The following RALGAPA2 variants were observed in gnomAD, a reference collection of about 807,000 sequenced individuals.
The protein encoded by RALGAPA2 is ral GTPase-activating protein subunit alpha-2.
A neutral mutation model predicts 230.4 loss-of-function variants in RALGAPA2; 139 were observed. The ratio of observed to expected loss-of-function variants is 0.60; its 90% confidence interval spans 0.53 to 0.69. RALGAPA2 has a LOEUF of 0.69. Ranked by LOEUF, RALGAPA2 falls within the 30% of genes least tolerant of loss-of-function variation. The pLI, the probability that RALGAPA2 is intolerant of heterozygous loss-of-function variation, is 0.00. For missense variants in RALGAPA2, 2,163 were observed against 2,276.0 expected (o/e 0.95, Z 1.01); for synonymous variants, 847 against 837.8 (o/e 1.01, Z -0.19).
At chr20:20,520,144 T>A (rs1165065323) in intron 31 of RALGAPA2, among the ~76,000 whole-genome samples, 1 of 152,178 alleles carries the variant, frequency 6.6e-6, no homozygotes, top group Non-Finnish European at 1.5e-5. Context: ...CAGGGTAACA[T>A]CTTGCATACC....
chr20:20,467,326 C>T (rs1475328302), intron 37 of RALGAPA2, among the ~76,000 whole-genome samples: 1 of 152,220 alleles, frequency 6.6e-6, no homozygotes, highest in Non-Finnish European at 1.5e-5. Context: ...ATATTCATTT[C>T]TGAAGGCTCA....
At chr20:20,682,933 C>T (rs542578833) in intron 1 of RALGAPA2, among the ~76,000 whole-genome samples, 38 of 152,354 alleles carry the variant, frequency 2.5e-4, no homozygotes, top group Middle Eastern at 3.4e-3. Flanking sequence ...ACATCTCCCA[C>T]TGTGGGCTCT....
intron 1 of RALGAPA2, among the ~76,000 whole-genome samples, chr20:20,709,692 TAA>T (rs1195913523): frequency 6.6e-6 from 1 of 152,120 alleles, no homozygotes; most frequent in East Asian, 1.9e-4. Context: ...CTCTGTAAAA[TAA>T]AGTTAATCAT....
intron 24 of RALGAPA2, among the ~76,000 whole-genome samples, chr20:20,538,307 A>T (rs940087471): frequency 2.6e-5 from 4 of 152,234 alleles, no homozygotes; most frequent in Non-Finnish European, 5.9e-5. Context: ...ACCTAAAACA[A>T]ACTACTGCTA....
intron 37 of RALGAPA2, among the ~76,000 whole-genome samples, chr20:20,420,365 G>A (rs1313963868): frequency 6.6e-6 from 1 of 152,178 alleles, no homozygotes; most frequent in African/African-American, 2.4e-5. Flanking sequence ...AGAGGTCAAG[G>A]CTGACTGGCA....
Position 20,398,703 on chromosome 20 carries a change from C to T in RALGAPA2, c.5618-1969G>A, listed in dbSNP as rs945754871. Among the ~76,000 whole-genome samples the T allele has an allele frequency of 3.3e-5, 5 of 151,958 alleles. No homozygotes were observed. Among genetic ancestry groups the T allele is most frequent in the African/African-American group, 7.3e-5 (3 of 41,352 alleles). On this transcript the variant is annotated intron_variant, in intron 38 of 39. Transcript: ENST00000202677. The surrounding 1 kb of genome is among the most constrained non-coding windows in gnomAD (Gnocchi z 4.5). ...TGGGAAGAGGCCAGGAGGGACCTGA[C>T]GTCTGGGGGCGATAGGGGAGAGACA...
At chr20:20,596,831 G>C (rs1404143508) in intron 16 of RALGAPA2, among the ~76,000 whole-genome samples, 1 of 152,170 alleles carries the variant, frequency 6.6e-6, no homozygotes. Context: ...TTCTTTGTTT[G>C]GGAGCTGTCC....
At chr20:20,658,765 T>C (rs914559597) in intron 3 of RALGAPA2, among the ~76,000 whole-genome samples, 5 of 152,152 alleles carry the variant, frequency 3.3e-5, no homozygotes, top group Non-Finnish European at 7.4e-5. Context: ...TAAGCTGGAG[T>C]CTACACAAGA....
At chr20:20,467,577 T>C (rs2061446679) in intron 37 of RALGAPA2, among the ~76,000 whole-genome samples, 1 of 152,264 alleles carries the variant, frequency 6.6e-6, no homozygotes, top group Middle Eastern at 3.4e-3. Context: ...ATTGATTGAT[T>C]GATTGATTGA....
At chr20:20,664,354 A>G (rs571057798) in intron 3 of RALGAPA2, among the ~76,000 whole-genome samples, 2 of 152,318 alleles carry the variant, frequency 1.3e-5, no homozygotes, top group South Asian at 4.1e-4. Context: ...GCAAAGGTCT[A>G]ATCTCTTTTT....
intron 37 of RALGAPA2, among the ~76,000 whole-genome samples, chr20:20,455,135 C>T (rs1250835563): frequency 1.3e-5 from 2 of 152,196 alleles, no homozygotes; most frequent in African/African-American, 2.4e-5. Context: ...AAGGGTGTTA[C>T]GAATCTAAGC....
intron 16 of RALGAPA2, among the ~76,000 whole-genome samples, chr20:20,597,795 T>C (rs944984311): frequency 6.6e-6 from 1 of 152,002 alleles, no homozygotes; most frequent in African/African-American, 2.4e-5. Context: ...GCCGAGATCA[T>C]GCCACTGCAC....
chr20:20,528,778 G>A lies in RALGAPA2; in HGVS notation c.3583-2416C>T, dbSNP rs185580055. Among the ~76,000 whole-genome samples the A allele has an allele frequency of 5.3e-3, 803 of 152,340 alleles. 6 individuals are homozygous for A. The highest frequency in any genetic ancestry group is 0.018 in the African/African-American group (766 of 41,578). ...GCATTTCTGAAGGGTTCTTACAAGA[G>A]GGGTGGTGCTGGCTTTATGTGGAGC... On this transcript the variant is annotated intron_variant, in intron 27 of 39. Transcript: ENST00000202677.
chr20:20,705,912 C>T (rs1307218509), intron 1 of RALGAPA2, among the ~76,000 whole-genome samples: 1 of 152,164 alleles, frequency 6.6e-6, no homozygotes, highest in Non-Finnish European at 1.5e-5. Flanking sequence ...CGTGATCTGC[C>T]CACCTCGGCC....
At chr20:20,619,494 T>C (rs1488609632) in intron 11 of RALGAPA2, 80 bp from the exon 12 acceptor site, 1 of 1,054,604 alleles carries the variant, frequency 9.5e-7, no homozygotes, top group Non-Finnish European at 1.2e-6. Flanking sequence ...TAATTAAATA[T>C]ATTATATAAA....
chr20:20,459,676 A>G (rs544742120), intron 37 of RALGAPA2, among the ~76,000 whole-genome samples: 1 of 152,308 alleles, frequency 6.6e-6, no homozygotes, highest in African/African-American at 2.4e-5. Context: ...CATGGACACC[A>G]ATATAATAAA....
At chr20:20,652,037 T>C (rs542472673) in intron 4 of RALGAPA2, among the ~76,000 whole-genome samples, 77 of 152,390 alleles carry the variant, frequency 5.1e-4, no homozygotes, top group African/African-American at 1.9e-3. Context: ...CTTTGTGTAT[T>C]TGAAATATTT....
At chr20:20,468,963 TTGTGTGTGTGTG>T (rs754994354) in intron 37 of RALGAPA2, among the ~76,000 whole-genome samples, 1 of 143,290 alleles carries the variant, frequency 7.0e-6, no homozygotes, top group Non-Finnish European at 1.6e-5. Flanking sequence ...GTGTGTGTGT[TTGTGTGTGTGTG>T]TGTGTGTGTG....
intron 37 of RALGAPA2, among the ~76,000 whole-genome samples, chr20:20,413,600 C>T (rs1009089581): frequency 3.9e-5 from 6 of 152,174 alleles, no homozygotes; most frequent in Admixed American, 2.0e-4. Flanking sequence ...ACTCAATAGC[C>T]GCACGTGGCT....
Sources: gnomAD v4.1 joint callset for allele counts (sites outside exome capture counted in the v4.1 genomes callset) on GRCh38, gnomAD v4.1.1 for gene constraint, Gnocchi (gnomAD v3.1) non-coding constraint, MANE v1.5 for transcripts, NCBI Gene and HGNC (gene_info 2026-07-23, HGNC 2026-07-21) for gene names.